PTPRD: variants seen among roughly 807,000 people sequenced by gnomAD.
PTPRD encodes receptor-type tyrosine-protein phosphatase delta.
In PTPRD, 34 loss-of-function variants were observed where a neutral mutation model predicts 214.5. The observed-to-expected ratio is 0.16, with a 90% CI of 0.12 to 0.21. PTPRD has a LOEUF of 0.21. Ranked by LOEUF, PTPRD falls within the 10% of genes least tolerant of loss-of-function variation. The probability of loss-of-function intolerance (pLI) is 1.00; values close to 1 mark genes in which losing one functional copy is unlikely to be tolerated. For synonymous variants in PTPRD, 1,128 were observed against 845.7 expected (o/e 1.33, Z -5.79); for missense variants, 2,545 against 2,398.7 (o/e 1.06, Z -1.27).
chr9:10,383,012 A>G (rs192051021), intron 2 of PTPRD, among the ~76,000 whole-genome samples: 96 of 151,960 alleles, frequency 6.3e-4, no homozygotes, highest in African/African-American at 2.1e-3. Context: ...CTGTTAATAT[A>G]ATCACATTGG....
Position 9,969,715 on chromosome 9 carries a change from G to C in PTPRD, c.-471-31105C>G, listed in dbSNP as rs77935221. 9.3e-3 allele frequency among the ~76,000 whole-genome samples: 1,422 copies of C among 152,310 alleles called. 29 individuals carry two copies. The highest frequency in any genetic ancestry group is 0.033 in the African/African-American group (1,355 of 41,566). On this transcript the variant is annotated intron_variant, in intron 4 of 45. Transcript: ENST00000381196. ...TGACTTCTCTGATCAACCTTGAATA[G>C]AAATAATTCCTACAGTCATTTTAAG...
intron 10 of PTPRD, among the ~76,000 whole-genome samples, chr9:9,073,639 C>T (rs1035481413): frequency 6.6e-6 from 1 of 152,184 alleles, no homozygotes. Flanking sequence ...TTCGAGCCTT[C>T]AGATGCAAGA....
At chr9:9,356,428 T>C (rs1025656280) in intron 9 of PTPRD, among the ~76,000 whole-genome samples, 4 of 151,394 alleles carry the variant, frequency 2.6e-5, no homozygotes, top group African/African-American at 9.7e-5. Flanking sequence ...CAGTCTATTG[T>C]ATAATAAACA....
At chr9:8,650,188 G>T (rs982972612) in intron 12 of PTPRD, among the ~76,000 whole-genome samples, 5 of 152,074 alleles carry the variant, frequency 3.3e-5, no homozygotes, top group African/African-American at 1.2e-4. Flanking sequence ...AAAGTGCTGG[G>T]ATTACAGGCA....
At chr9:8,351,788 A>T (rs991886466) in intron 39 of PTPRD, among the ~76,000 whole-genome samples, 7 of 149,186 alleles carry the variant, frequency 4.7e-5, no homozygotes, top group African/African-American at 1.7e-4. Context: ...AGTTAGGGAG[A>T]TGACCCAGAG....
chr9:9,452,518 A>T (rs1344328219), intron 8 of PTPRD, among the ~76,000 whole-genome samples: 2 of 151,282 alleles, frequency 1.3e-5, no homozygotes, highest in African/African-American at 2.4e-5. Context: ...ATTTGGGGTA[A>T]AATAAATAAG....
At chr9:8,382,989 C>G (rs917210468) in intron 37 of PTPRD, among the ~76,000 whole-genome samples, 7 of 152,168 alleles carry the variant, frequency 4.6e-5, no homozygotes, top group Non-Finnish European at 7.3e-5. Flanking sequence ...ACCAGAAGGG[C>G]CAAGAATTAG....
At chr9:9,947,492 TATATA>T (rs2092848002) in intron 4 of PTPRD, among the ~76,000 whole-genome samples, 1 of 35,654 alleles carries the variant, frequency 2.8e-5, no homozygotes, top group African/African-American at 1.2e-4. Flanking sequence ...TTATATATAT[TATATA>T]TATTTTATAT....
chr9:8,635,866 C>T (rs917816040), intron 13 of PTPRD, among the ~76,000 whole-genome samples: 1 of 152,008 alleles, frequency 6.6e-6, no homozygotes, highest in Non-Finnish European at 1.5e-5. Flanking sequence ...TATCTTATTG[C>T]CTATATTTCT....
At chr9:10,162,648 T>C (rs929715393) in intron 3 of PTPRD, among the ~76,000 whole-genome samples, 4 of 147,700 alleles carry the variant, frequency 2.7e-5, no homozygotes, top group African/African-American at 4.9e-5. Context: ...AACATATATA[T>C]ACACATATAT....
intron 2 of PTPRD, among the ~76,000 whole-genome samples, chr9:10,361,358 T>C (rs956658708): frequency 6.6e-6 from 1 of 152,056 alleles, no homozygotes; most frequent in Non-Finnish European, 1.5e-5. Context: ...ATCGAAATAG[T>C]TTGATGTCAC....
chr9:10,121,065 T>C (rs1225874506), intron 3 of PTPRD, among the ~76,000 whole-genome samples: 2 of 152,196 alleles, frequency 1.3e-5, no homozygotes, highest in Non-Finnish European at 2.9e-5. Context: ...AGTAGACAAT[T>C]CTAAGAGGTC....
At position 8,472,373 on chromosome 9, in the gene PTPRD, C is replaced by T. The variant is rs568724886; in HGVS notation, c.3414-1288G>A. On this transcript the variant is annotated intron_variant, in intron 30 of 45. Coordinates refer to ENST00000381196, the MANE Select transcript of PTPRD (RefSeq NM_002839.4). Reference sequence around the variant, plus strand: ...AGGACACTCCCAACCCTGTGTCACACTGAATCACAGAGACCAATCACAGAG... The same window carrying T: ...AGGACACTCCCAACCCTGTGTCACATTGAATCACAGAGACCAATCACAGAG... Among the ~76,000 whole-genome samples the T allele has an allele frequency of 3.7e-4, 57 of 152,294 alleles. 1 individual carries two copies. The highest frequency in any genetic ancestry group is 5.8e-4 in the East Asian group (3 of 5,168).
intron 3 of PTPRD, among the ~76,000 whole-genome samples, chr9:10,089,019 C>T (rs1475874259): frequency 6.6e-6 from 1 of 151,252 alleles, no homozygotes; most frequent in Non-Finnish European, 1.5e-5. Context: ...AAGCTTGAAC[C>T]CATCAGAGAC....
chr9:8,979,105 C>G (rs867712611), intron 11 of PTPRD, among the ~76,000 whole-genome samples: 1 of 152,132 alleles, frequency 6.6e-6, no homozygotes, highest in Admixed American at 6.6e-5. Context: ...AAAAGCAGTT[C>G]AGTTCCTTAT....
At chr9:8,613,418 A>G (rs1009553473) in intron 14 of PTPRD, among the ~76,000 whole-genome samples, 1 of 152,188 alleles carries the variant, frequency 6.6e-6, no homozygotes, top group East Asian at 1.9e-4. Flanking sequence ...CACTTCAACC[A>G]TATCTAGAAA....
At chr9:9,569,383 G>A (rs745523103) in intron 8 of PTPRD, among the ~76,000 whole-genome samples, 1 of 151,654 alleles carries the variant, frequency 6.6e-6, no homozygotes, top group Non-Finnish European at 1.5e-5. Flanking sequence ...CCAAAGATTT[G>A]TATCATGTGA....
Position 10,019,782 on chromosome 9 carries a change from T to TG in PTPRD, c.-472+13935dup, listed in dbSNP as rs1278578966. ...TCACACACTGGGGCCTGTTGTGGGG[T>TG]GGGGGGGAGCTGGGAGGGATAGCAT... On this transcript the variant is annotated intron_variant, in intron 4 of 45. Transcript: ENST00000381196. Among the ~76,000 whole-genome samples, 188 of 81,114 alleles carry TG rather than the reference T, an allele frequency of 2.3e-3. 2 individuals are homozygous for TG. The Middle Eastern group carries it at 0.026, about 11-fold the overall frequency. The allele number at this position is 81,114 out of a possible 152,430, so 53.2% of individuals were successfully genotyped here.
Position 9,975,904 on chromosome 9 carries a change from CA to C in PTPRD, c.-471-37295del, listed in dbSNP as rs2095334253. 2.6e-5 allele frequency among the ~76,000 whole-genome samples: 4 copies of C among 152,298 alleles called. No homozygotes were observed. In the South Asian group the frequency reaches 8.3e-4, roughly 32 times the overall value. On this transcript the variant is annotated intron_variant, in intron 4 of 45. Coordinates refer to ENST00000381196, the MANE Select transcript of PTPRD (RefSeq NM_002839.4). ...CTGTGAGGTGTACAGCATTATTTGG[CA>C]TACAGTATCCCTCAGTAAAGTTAGT...
Sources: allele counts gnomAD v4.1 joint callset (sites outside exome capture counted in the v4.1 genomes callset), GRCh38; gene constraint gnomAD v4.1.1; transcripts MANE v1.5; gene names NCBI Gene and HGNC (gene_info 2026-07-23, HGNC 2026-07-21).